Variants in EXOC3L2 observed in about 807,000 individuals in gnomAD.
EXOC3L2 encodes exocyst complex component 3 like 2.
A neutral mutation model predicts 44.4 loss-of-function variants in EXOC3L2; 17 were observed. That is an observed-to-expected ratio of 0.38 (90% confidence interval 0.26 to 0.57). The LOEUF (loss-of-function observed/expected upper bound fraction) is 0.57. EXOC3L2 is among the 20% of genes least tolerant of loss of function. The pLI is 0.65. For missense variants in EXOC3L2, 541 were observed against 588.4 expected, an observed-to-expected ratio of 0.92 and a Z score of 0.83; for synonymous variants, 256 against 253.7, an observed-to-expected ratio of 1.01 and a Z score of -0.09.
rs181959846 is a variant in EXOC3L2, at chr19:45,222,356, C to T, written c.1719+2422G>A. Among the ~76,000 whole-genome samples, 455 of 152,178 alleles carry T rather than the reference C, an allele frequency of 3.0e-3. 4 individuals are homozygous for T. The highest frequency in any genetic ancestry group is 0.01 in the African/African-American group (422 of 41,534). On this transcript the variant is annotated intron_variant, in intron 8 of 11. Transcript: ENST00000413988. The stretch of plus-strand genomic sequence containing the variant: ...CTGGAATTACAGGCGCTTGCCACCA[C>T]GCCTGGCTAATTTTTTGTATTTTTA...
intron 2 of EXOC3L2, among the ~76,000 whole-genome samples, chr19:45,237,505 C>T (rs1043898897): frequency 6.6e-6 from 1 of 151,952 alleles, no homozygotes; most frequent in African/African-American, 2.4e-5. Flanking sequence ...GAGACCTTGT[C>T]TCCAAAACTA....
chr19:45,240,724 C>A (rs552721697), intron 1 of EXOC3L2, among the ~76,000 whole-genome samples: 4 of 151,884 alleles, frequency 2.6e-5, no homozygotes, highest in Admixed American at 2.0e-4. Context: ...GGTGAAACCC[C>A]GTCTCTACTA....
intron 8 of EXOC3L2, among the ~76,000 whole-genome samples, chr19:45,222,077 C>T (rs767155462): frequency 2.0e-5 from 3 of 152,008 alleles, no homozygotes; most frequent in Non-Finnish European, 4.4e-5. Flanking sequence ...CACTCATGCA[C>T]ACGGCGCACA....
intron 8 of EXOC3L2, among the ~76,000 whole-genome samples, chr19:45,223,571 G>A (rs1969921612): frequency 6.6e-6 from 1 of 150,738 alleles, no homozygotes; most frequent in South Asian, 2.1e-4. Context: ...TCAAACTCCT[G>A]ACCTCAAGTG....
rs762951975 is a variant in EXOC3L2, at chr19:45,243,717, C to G, written c.-17+1624G>C. Among the ~76,000 whole-genome samples, 71 of 152,162 alleles carry G rather than the reference C, an allele frequency of 4.7e-4. 1 individual carries two copies. Among genetic ancestry groups the G allele is most frequent in the Non-Finnish European group, 1.5e-4 (10 of 68,036 alleles). On this transcript the variant is annotated intron_variant, in intron 1 of 11. Transcript: ENST00000413988. ...CGATTTCAGCTCACTGCACCTCCAC[C>G]TCCAGGGTTCAAGCGATTTCTCCTG...
intron 1 of EXOC3L2, among the ~76,000 whole-genome samples, chr19:45,240,883 A>G (rs924362261): frequency 6.6e-6 from 1 of 152,210 alleles, no homozygotes; most frequent in South Asian, 2.1e-4. Context: ...TGGCCTGGGC[A>G]ATAGAGCAAG....
chr19:45,217,674 C>A lies in EXOC3L2; in HGVS notation c.1852G>T (p.Ala618Ser). 7.1e-7 allele frequency: 1 copy of A among 1,402,572 alleles called. No homozygotes were observed. 86.9% of individuals were successfully genotyped at this position (1,402,572 alleles called of 1,614,324 possible). A position where few individuals can be genotyped will look rare whatever the true frequency, so the allele number is the denominator to read the frequency against. ...MQDEPYQALV[A>S]ELHRRALVEY... The stretch of plus-strand genomic sequence containing the variant: ...ACCAGCGCCCGCCGGTGTAGCTCGG[C>A]TACCAGCGCCTGGAGGCGGAGGAGG... Residue 618 changes from alanine to serine, a missense_variant, in exon 10 of 12, where the codon GCC becomes TCC. By Grantham distance (99) the Ala-to-Ser change is moderately conservative. Transcript: ENST00000413988.
At chr19:45,235,868 C>G (rs1286967965) in intron 2 of EXOC3L2, among the ~76,000 whole-genome samples, 2 of 152,148 alleles carry the variant, frequency 1.3e-5, no homozygotes, top group Non-Finnish European at 2.9e-5. Context: ...CCTGAGGTCC[C>G]CAGCCCTGGA....
At chr19:45,225,618 CTCTTT>C (rs921990826) in intron 7 of EXOC3L2, among the ~76,000 whole-genome samples, 47 of 140,658 alleles carry the variant, frequency 3.3e-4, no homozygotes, top group East Asian at 1.4e-3. Flanking sequence ...CCTTACTCTT[CTCTTT>C]TTTTTTTTTT....
Position 45,217,599 on chromosome 19 carries a change from GCGCCGAGCTGCAGCGCAGGCGCCCA to G in EXOC3L2, c.1902_1926del (p.Arg636ProfsTer152). On this transcript the variant is annotated frameshift_variant, in exon 10 of 12. Coordinates refer to ENST00000413988, the MANE Select transcript of EXOC3L2 (RefSeq NM_001382422.1). LOFTEE classifies it high-confidence loss of function. ...CTGCCGGCCACGCGGCTGCGGGTCC[GCGCCGAGCTGCAGCGCAGGCGCCCA>G]CGGAGCAGGGGCCGCACGTACTCGA... is the stretch of plus-strand genomic sequence containing the variant. The G allele has an allele frequency of 6.6e-7, 1 of 1,524,396 alleles. No individual in the cohort carries two copies. The highest frequency in any genetic ancestry group is 8.7e-7 in the Non-Finnish European group (1 of 1,143,206). The allele number at this position is 1,524,396 out of a possible 1,614,324, so 94.4% of individuals were successfully genotyped here. A position where few individuals can be genotyped will look rare whatever the true frequency, so the allele number is the denominator to read the frequency against.
Position 45,212,945 on chromosome 19 carries a change from A to T in EXOC3L2, c.*124T>A. 1 of 1,158,886 alleles carries T rather than the reference A, an allele frequency of 8.6e-7. No individual in the cohort carries two copies. Among genetic ancestry groups the T allele is most frequent in the Non-Finnish European group, 1.1e-6 (1 of 871,022 alleles). 71.8% of individuals were successfully genotyped at this position (1,158,886 alleles called of 1,614,324 possible). ...GGAGTTTGGGGTTGGGTGAAAAGAC[A>T]TCTAAGGGTCTTTCTATCCCAGGGG... On this transcript the variant is annotated 3_prime_UTR_variant, in exon 12 of 12. Transcript: ENST00000413988.
chr19:45,227,795 A>G, intron 6 of EXOC3L2, 23 bp from the exon 7 acceptor site: 1 of 1,598,816 alleles, frequency 6.3e-7, no homozygotes. Flanking sequence ...AAGGGGACAG[A>G]TAGGGCGCCA....
In EXOC3L2 at chr19:45,213,077, G is replaced by C. The variant is rs1278299048; in HGVS notation, c.2401C>G (p.Gln801Glu). The change falls in exon 12 of 12, where the codon CAG (glutamine) becomes GAG (glutamate). Residue 801 changes from glutamine (Q) to glutamate (E), a missense_variant. By Grantham distance (29) the Gln-to-Glu change is conservative. Transcript: ENST00000413988. ...RPPSLARPRA[Q>E]R Reference sequence around the variant, plus strand: ...CGGCGGTTGGGTGACCCTCAGCGCTGGGCCCGAGGTCGCGCTAGAGACGGA... The same window carrying C: ...CGGCGGTTGGGTGACCCTCAGCGCTCGGCCCGAGGTCGCGCTAGAGACGGA... 2.7e-6 allele frequency: 4 copies of C among 1,496,954 alleles called. No individual in the cohort carries two copies. The African/African-American group carries it at 4.2e-5, about 16-fold the overall frequency. The allele number at this position is 1,496,954 out of a possible 1,614,324, so 92.7% of individuals were successfully genotyped here.
chr19:45,222,268 C>T (rs1433521999), intron 8 of EXOC3L2, among the ~76,000 whole-genome samples: 1 of 149,606 alleles, frequency 6.7e-6, no homozygotes, highest in Admixed American at 6.7e-5. Flanking sequence ...GGCATGATCT[C>T]ATTTCATTGC....
At chr19:45,236,169 G>GGACATAA (rs1970082473) in intron 2 of EXOC3L2, among the ~76,000 whole-genome samples, 1 of 151,956 alleles carries the variant, frequency 6.6e-6, no homozygotes, top group Non-Finnish European at 1.5e-5. Context: ...AGGATGGAAA[G>GGACATAA]GACATAAAGA....
rs34610401 is a variant in EXOC3L2, at chr19:45,231,457, CAAAAAA to C, written c.1269+300_1269+305del. Reference sequence around the variant, plus strand: ...CTGGCAACAGAGCGAGACCCTGCCTCAAAAAAAAAAAAAAAAAAAAAATCTTTGATG... The same window carrying C: ...CTGGCAACAGAGCGAGACCCTGCCTCAAAAAAAAAAAAAAAATCTTTGATG... On this transcript the variant is annotated intron_variant, in intron 4 of 11. Coordinates refer to ENST00000413988, the MANE Select transcript of EXOC3L2 (RefSeq NM_001382422.1). Among the ~76,000 whole-genome samples, 20 of 61,322 alleles carry C rather than the reference CAAAAAA, an allele frequency of 3.3e-4. No individual in the cohort carries two copies. The East Asian group carries it at 0.011, about 34-fold the overall frequency. The allele number at this position is 61,322 out of a possible 152,430, so 40.2% of individuals were successfully genotyped here.
intron 1 of EXOC3L2, among the ~76,000 whole-genome samples, chr19:45,242,698 C>T (rs1970139788): frequency 6.6e-6 from 1 of 151,986 alleles, no homozygotes; most frequent in Non-Finnish European, 1.5e-5. Context: ...CCTGCCTCTA[C>T]TAAAAACACA....
chr19:45,239,510 C>A (rs372794135), intron 1 of EXOC3L2, among the ~76,000 whole-genome samples: 1 of 149,506 alleles, frequency 6.7e-6, no homozygotes, highest in African/African-American at 2.5e-5. Context: ...GCCACCGCGC[C>A]TTGCCTCTTT....
intron 4 of EXOC3L2, 50 bp from the exon 5 acceptor site, chr19:45,228,316 T>G (rs1307226580): frequency 6.5e-7 from 1 of 1,533,374 alleles, no homozygotes; most frequent in Non-Finnish European, 8.9e-7. Context: ...GGCCTGGAGG[T>G]CTTTTTTTTT....
Sources: allele counts gnomAD v4.1 joint callset (sites outside exome capture counted in the v4.1 genomes callset), GRCh38; gene constraint gnomAD v4.1.1; transcripts MANE v1.5; gene names NCBI Gene and HGNC (gene_info 2026-07-23, HGNC 2026-07-21).